Variants in OSMR observed in about 807,000 individuals in gnomAD.
The protein encoded by OSMR is oncostatin M receptor.
A neutral mutation model predicts 99.9 loss-of-function variants in OSMR; 81 were observed. The ratio of observed to expected loss-of-function variants is 0.81; its 90% CI spans 0.68 to 0.97. The LOEUF (loss-of-function observed/expected upper bound fraction) is 0.97, where lower values mean the gene tolerates loss of function less well. Among genes scored for constraint, OSMR ranks in the 50% least tolerant of loss-of-function variants. OSMR has a pLI of 0.00. For synonymous variants in OSMR, 406 were observed against 410.4 expected (o/e 0.99, Z 0.13); for missense variants, 1,099 against 1,153.4 (o/e 0.95, Z 0.68).
At chr5:38,922,978 G>A (rs1746304279) in intron 12 of OSMR, 172 bp from the exon 13 acceptor site, 1 of 202,848 alleles carries the variant, frequency 4.9e-6, no homozygotes, top group South Asian at 1.8e-4. Context: ...ATTTCACCAT[G>A]TTGGCCAGGC....
chr5:38,863,946 A>G (rs1040335990), intron 1 of OSMR, among the ~76,000 whole-genome samples: 3 of 152,134 alleles, frequency 2.0e-5, no homozygotes, highest in South Asian at 2.1e-4. Context: ...GGTTCTTAAC[A>G]TCTGTTTTAT....
At chr5:38,942,423 A>G in intron 1 of OSMR, 1 of 1,069,622 alleles carries the variant, frequency 9.3e-7, no homozygotes. Context: ...ATAAAAACAG[A>G]TGATATAACA....
At chr5:38,857,612 C>T (rs1365558285) in intron 1 of OSMR, among the ~76,000 whole-genome samples, 1 of 152,066 alleles carries the variant, frequency 6.6e-6, no homozygotes, top group Non-Finnish European at 1.5e-5. Context: ...CAAAACTTTA[C>T]ACATTTATCA....
rs745333341 is a variant in OSMR, at chr5:38,931,965, G to GTT, written c.2294+2_2294+3insTT. On this transcript the variant is annotated splice_donor_variant, in intron 16 of 17. Transcript: ENST00000274276. LOFTEE classifies it high-confidence loss of function. ...TCATGTGCTACTTGAAAAGTCAGTG[G>GTT]TAAGTGTGTGAGGAAGGTTTTATCC... 2.5e-6 allele frequency: 4 copies of GTT among 1,610,312 alleles called. No homozygotes were observed. Among genetic ancestry groups the GTT allele is most frequent in the Non-Finnish European group, 3.4e-6 (4 of 1,176,660 alleles).
chr5:38,897,256 A>G (rs1490986400), intron 7 of OSMR, among the ~76,000 whole-genome samples: 1 of 152,078 alleles, frequency 6.6e-6, no homozygotes, highest in Admixed American at 6.5e-5. Flanking sequence ...GGTAGAGTTT[A>G]GCAGTGAAGC....
intron 2 of OSMR, among the ~76,000 whole-genome samples, chr5:38,873,468 G>T (rs1742547627): frequency 6.6e-6 from 1 of 152,138 alleles, no homozygotes; most frequent in African/African-American, 2.4e-5. Flanking sequence ...GAATTGCTGG[G>T]TTATATGGTG....
rs149439126 is a variant in OSMR at position 38,925,153 on chromosome 5, T to C, written c.2045-51T>C. 3,515 of 1,610,950 alleles carry C rather than the reference T, an allele frequency of 2.2e-3. 58 individuals carry two copies. In the African/African-American group the frequency reaches 0.039, roughly 18 times the overall value. On this transcript the variant is annotated intron_variant, in intron 14 of 17. Transcript: ENST00000274276. Reference sequence around the variant, plus strand: ...CTCTCACAAGATGTTTACAACACTTTTAATAAAATCTTTTTTTTCCTTGAA... The same window carrying C: ...CTCTCACAAGATGTTTACAACACTTCTAATAAAATCTTTTTTTTCCTTGAA...
At chr5:38,924,209 A>T in intron 13 of OSMR, 2 of 585,676 alleles carry the variant, frequency 3.4e-6, no homozygotes, top group Non-Finnish European at 4.3e-6. Flanking sequence ...CATCTGTAAA[A>T]GGCAAGACTT....
At chr5:38,944,801 G>A (rs979518859) in intron 2 of OSMR, 71 of 1,073,946 alleles carry the variant, frequency 6.6e-5, no homozygotes, top group African/African-American at 6.5e-4. Context: ...TAAAATGGAC[G>A]TATTACTGTT....
chr5:38,879,622 CTTTTTTT>C (rs1173567281), intron 3 of OSMR, among the ~76,000 whole-genome samples: 2 of 131,256 alleles, frequency 1.5e-5, no homozygotes, highest in African/African-American at 5.8e-5. Flanking sequence ...ATATTTGCTC[CTTTTTTT>C]TTTTTTTTTT....
At chr5:38,855,935 T>C (rs1350164937) in intron 1 of OSMR, among the ~76,000 whole-genome samples, 1 of 152,166 alleles carries the variant, frequency 6.6e-6, no homozygotes, top group African/African-American at 2.4e-5. Context: ...TCTAGATGTC[T>C]TCTCTGGCTC....
intron 1 of OSMR, among the ~76,000 whole-genome samples, chr5:38,854,780 G>T (rs1740713260): frequency 6.6e-6 from 1 of 152,212 alleles, no homozygotes; most frequent in Non-Finnish European, 1.5e-5. Flanking sequence ...TTATAGTCTA[G>T]TTGGGAATAA....
At chr5:38,850,909 T>C (rs1303630079) in intron 1 of OSMR, among the ~76,000 whole-genome samples, 3 of 152,230 alleles carry the variant, frequency 2.0e-5, no homozygotes, top group Non-Finnish European at 4.4e-5. Context: ...GTATGATTTT[T>C]CTACTCAGGA....
chr5:38,881,499 G>A (rs1743278911), intron 3 of OSMR, 94 bp from the exon 4 acceptor site: 2 of 1,609,924 alleles, frequency 1.2e-6, no homozygotes, highest in South Asian at 2.2e-5. Flanking sequence ...ACCTGCAATG[G>A]GGTCTTAGGT....
At chr5:38,922,219 T>C (rs1185504443) in intron 12 of OSMR, among the ~76,000 whole-genome samples, 1 of 152,072 alleles carries the variant, frequency 6.6e-6, no homozygotes, top group Non-Finnish European at 1.5e-5. Flanking sequence ...ACCTCCCACA[T>C]TGGATTTGTA....
At chr5:38,937,285 G>A (rs1238972136), downstream of OSMR, among the ~76,000 whole-genome samples, 3 of 152,148 alleles carry the variant, frequency 2.0e-5, no homozygotes, top group African/African-American at 4.8e-5. This position sits in a 1 kb window ranked among gnomAD's most constrained non-coding sequence, Gnocchi z 4.0. Context: ...CTCCTGCCTT[G>A]GCTTCCCAAA....
At chr5:38,898,950 C>CTTTTTTTTTTTTT (rs58159819) in intron 7 of OSMR, among the ~76,000 whole-genome samples, 22 of 78,288 alleles carry the variant, frequency 2.8e-4, no homozygotes, top group African/African-American at 8.1e-4. Context: ...TACATAATAT[C>CTTTTTTTTTTTTT]TTTTTTTTTT....
downstream of OSMR, chr5:38,939,711 T>G (rs974008879): frequency 2.2e-5 from 5 of 229,718 alleles, no homozygotes; most frequent in Admixed American, 5.7e-5. Context: ...ATAGTACAAA[T>G]TTATATGGAC....
intron 15 of OSMR, 92 bp from the exon 16 acceptor site, chr5:38,931,790 TG>T: frequency 4.5e-6 from 7 of 1,564,790 alleles, no homozygotes; most frequent in Non-Finnish European, 6.1e-6. Flanking sequence ...ATAATAAACA[TG>T]TAAAATTACT....
Sources: gnomAD v4.1 joint callset for allele counts (sites outside exome capture counted in the v4.1 genomes callset) on GRCh38, gnomAD v4.1.1 for gene constraint, Gnocchi (gnomAD v3.1) non-coding constraint, MANE v1.5 for transcripts, NCBI Gene and HGNC (gene_info 2026-07-23, HGNC 2026-07-21) for gene names.